OR7E24: variants seen among roughly 807,000 people sequenced by gnomAD.
The protein encoded by OR7E24 is olfactory receptor family 7 subfamily E member 24.
For synonymous variants in OR7E24, 130 were observed against 157.5 expected, an observed-to-expected ratio of 0.83 and a Z score of 1.31; for missense variants, 385 against 410.3, an observed-to-expected ratio of 0.94 and a Z score of 0.53.
chr19:9,212,575 T>A, the OR7E24 span: 1 of 151,892 alleles, frequency 6.6e-6, no homozygotes. Context: ...ACCTAAGGGG[T>A]TTGTGCTCCC....
chr19:9,215,357 A>C, the OR7E24 span, among the ~76,000 whole-genome samples: 1 of 151,874 alleles, frequency 6.6e-6, no homozygotes, highest in African/African-American at 2.4e-5. Context: ...AAAAAAAAAA[A>C]AAAAAAAACC....
the OR7E24 span, chr19:9,213,489 T>C: frequency 6.1e-6 from 1 of 162,850 alleles, no homozygotes; most frequent in Non-Finnish European, 1.3e-5. Flanking sequence ...CTTGTAATCC[T>C]AGCACTTTGG....
In OR7E24 at chr19:9,252,556, T is replaced by G. The variant is rs2066153205; in HGVS notation, c.*493T>G. The stretch of plus-strand genomic sequence containing the variant: ...GGACTTATCGTACTTCGTATTTACC[T>G]CCCTTTCTACAGTTCCTGTGTAATT... On this transcript the variant is annotated 3_prime_UTR_variant, in exon 1 of 1. Transcript: ENST00000456448. 6.4e-6 allele frequency: 1 copy of G among 155,140 alleles called. No individual in the cohort carries two copies. The highest frequency in any genetic ancestry group is 1.4e-5 in the Non-Finnish European group (1 of 70,048). 9.6% of individuals were successfully genotyped at this position (155,140 alleles called of 1,614,324 possible). A position where few individuals can be genotyped will look rare whatever the true frequency, so the allele number is the denominator to read the frequency against.
chr19:9,249,329 A>G (rs1392006105), upstream of OR7E24, among the ~76,000 whole-genome samples: 1 of 152,082 alleles, frequency 6.6e-6, no homozygotes, highest in Non-Finnish European at 1.5e-5. Context: ...TATTGAATAG[A>G]CCCTTCCTTA....
chr19:9,235,320 GTAATTCT>G, the OR7E24 span: 1 of 1,278,032 alleles, frequency 7.8e-7, no homozygotes, highest in East Asian at 2.3e-5. Context: ...ACAGCCCCAT[GTAATTCT>G]TCCTCTCCAA....
chr19:9,222,232 A>T, the OR7E24 span, among the ~76,000 whole-genome samples: 1 of 152,200 alleles, frequency 6.6e-6, no homozygotes, highest in Non-Finnish European at 1.5e-5. Flanking sequence ...TTTGTCAAAT[A>T]GTTTTAAATC....
At chr19:9,215,303 A>G in the OR7E24 span, among the ~76,000 whole-genome samples, 4,741 of 139,524 alleles carry the variant, frequency 0.034, 100 homozygotes, top group Non-Finnish European at 0.047. Context: ...AGATCATGGC[A>G]CTGCACTCCA....
At chr19:9,214,694 G>A in the OR7E24 span, 64 of 1,614,068 alleles carry the variant, frequency 4.0e-5, 1 homozygote, top group African/African-American at 3.9e-4. Context: ...CAGAGCTGAC[G>A]GCCAGAATGA....
At chr19:9,241,687 C>G in the OR7E24 span, among the ~76,000 whole-genome samples, 1 of 152,142 alleles carries the variant, frequency 6.6e-6, no homozygotes, top group South Asian at 2.1e-4. Flanking sequence ...TTGCTTGAAT[C>G]TGGGAGGTAG....
chr19:9,251,577 T>C lies in OR7E24; in HGVS notation c.534T>C (p.Asn178=). Residue 178 remains asparagine (N), a synonymous_variant, in exon 1 of 1, where the codon AAT becomes AAC. Coordinates refer to ENST00000456448, the MANE Select transcript of OR7E24 (RefSeq NM_001079935.2). ...GTCTTTTGGACTCCCAGTTGCACAA[T>C]TTGATTATGTTACAGCTCACCTGCT... ...FISLLDSQLH[N]LIMLQLTCFK... The C allele has an allele frequency of 6.2e-7, 1 of 1,613,944 alleles. No individual in the cohort carries two copies. Among genetic ancestry groups the C allele is most frequent in the Non-Finnish European group, 8.5e-7 (1 of 1,179,890 alleles).
At chr19:9,230,584 T>G in the OR7E24 span, among the ~76,000 whole-genome samples, 1 of 152,198 alleles carries the variant, frequency 6.6e-6, no homozygotes, top group Non-Finnish European at 1.5e-5. Context: ...AATGACTCAC[T>G]GAAGATCTGT....
chr19:9,233,639 A>G, the OR7E24 span, among the ~76,000 whole-genome samples: 1 of 152,208 alleles, frequency 6.6e-6, no homozygotes, highest in Non-Finnish European at 1.5e-5. Context: ...TAACAGTTCT[A>G]TTCATCTTCA....
chr19:9,240,677 A>G, the OR7E24 span, among the ~76,000 whole-genome samples: 1 of 152,046 alleles, frequency 6.6e-6, no homozygotes, highest in Non-Finnish European at 1.5e-5. Context: ...CAATATATCT[A>G]TTTTTTTGTT....
chr19:9,214,491 G>A, the OR7E24 span: 12 of 1,613,970 alleles, frequency 7.4e-6, no homozygotes, highest in East Asian at 1.3e-4. Context: ...GGCCATCACG[G>A]CCAGTAGGAA....
At chr19:9,226,410 T>C in the OR7E24 span, among the ~76,000 whole-genome samples, 79 of 152,334 alleles carry the variant, frequency 5.2e-4, no homozygotes, top group Non-Finnish European at 9.0e-4. Context: ...CATTCCGTGT[T>C]TGTCCTGATT....
At position 9,251,873 on chromosome 19, in the gene OR7E24, AC is replaced by A. The variant is rs773273915; in HGVS notation, c.820del (p.Leu274SerfsTer17). 1.2e-6 allele frequency: 2 copies of A among 1,614,066 alleles called. No homozygotes were observed. Among genetic ancestry groups the A allele is most frequent in the Non-Finnish European group, 1.7e-6 (2 of 1,180,002 alleles). Reference sequence around the variant, plus strand: ...TTTTATGGAACAGGGCTTGTAGGGTACCTCAGTTCAGCTGTGTTACCATCCC... The same window carrying A: ...TTTTATGGAACAGGGCTTGTAGGGTACTCAGTTCAGCTGTGTTACCATCCC... On this transcript the variant is annotated frameshift_variant, in exon 2 of 2. Transcript: ENST00000641946. LOFTEE classifies it low-confidence loss of function (END_TRUNC).
chr19:9,229,738 G>C, the OR7E24 span, among the ~76,000 whole-genome samples: 1 of 152,042 alleles, frequency 6.6e-6, no homozygotes, highest in South Asian at 2.1e-4. Flanking sequence ...TTGGAGGGTG[G>C]AAAAACAATA....
At chr19:9,235,170 A>T in the OR7E24 span, 1 of 1,327,324 alleles carries the variant, frequency 7.5e-7, no homozygotes, top group Non-Finnish European at 1.1e-6. Flanking sequence ...TTACAGAATT[A>T]TCAGAATTCC....
the OR7E24 span, among the ~76,000 whole-genome samples, chr19:9,221,135 G>A: frequency 6.6e-6 from 1 of 151,160 alleles, no homozygotes; most frequent in Non-Finnish European, 1.5e-5. Flanking sequence ...AGCCGGGCGT[G>A]GTGGCGGGCG....
Sources: allele counts gnomAD v4.1 joint callset (sites outside exome capture counted in the v4.1 genomes callset), GRCh38; gene constraint gnomAD v4.1.1; transcripts MANE v1.5; gene names NCBI Gene and HGNC (gene_info 2026-07-23, HGNC 2026-07-21).